MRPL44: variants seen among roughly 807,000 people sequenced by gnomAD.
The protein encoded by MRPL44 is large ribosomal subunit protein mL44.
A neutral mutation model predicts 25.9 loss-of-function variants in MRPL44; 21 were observed. The ratio of observed to expected loss-of-function variants is 0.81; its 90% CI spans 0.58 to 1.17. The LOEUF is 1.17. MRPL44 is among the 50% of genes most tolerant of loss of function. MRPL44 has a pLI of 0.00. For missense variants in MRPL44, 410 were observed against 398.9 expected (o/e 1.03, Z -0.24); for synonymous variants, 169 against 151.0 (o/e 1.12, Z -0.87).
rs774616345 is a variant in MRPL44 at position 223,957,527 on chromosome 2, C to G, written c.55C>G (p.Pro19Ala). Residue 19 changes from proline to alanine, a missense_variant, in exon 1 of 4, where the codon CCA (proline) becomes GCA (alanine). Pro to Ala is a conservative substitution (Grantham distance 27). Transcript: ENST00000258383. ...LQQGHRCLLAPVAPKLVPPVR... is the reference protein window; with the variant it reads ...LQQGHRCLLAAVAPKLVPPVR... ...GCAGGGACATCGCTGCCTCCTGGCT[C>G]CAGTCGCCCCCAAGCTGGTCCCTCC... The G allele has an allele frequency of 3.7e-6, 6 of 1,614,098 alleles. No individual in the cohort carries two copies. Among genetic ancestry groups the G allele is most frequent in the Middle Eastern group, 1.6e-4 (1 of 6,062 alleles).
Position 223,957,592 on chromosome 2 carries a change from C to T in MRPL44, c.120C>T (p.Arg40=). The change falls in exon 1 of 4, where the codon CGC becomes CGT. Residue 40 remains arginine, a synonymous_variant. Coordinates refer to ENST00000258383, the MANE Select transcript of MRPL44 (RefSeq NM_022915.5). ...GVKKGFRAAF[R]FQKELERQRL... is the part of the protein sequence containing the mutation. ...AGAAGGGATTCCGCGCCGCCTTCCG[C>T]TTCCAGAAGGAGTTAGAGCGGCAGC... 3 of 1,613,542 alleles carry T rather than the reference C, an allele frequency of 1.9e-6. No individual in the cohort carries two copies. Among genetic ancestry groups the T allele is most frequent in the Non-Finnish European group, 2.5e-6 (3 of 1,179,994 alleles).
chr2:223,962,724 A>T (rs1162535077), intron 2 of MRPL44, among the ~76,000 whole-genome samples: 1 of 152,106 alleles, frequency 6.6e-6, no homozygotes, highest in African/African-American at 2.4e-5. Context: ...TTTGAGACAG[A>T]GTCTTGCCGT....
upstream of MRPL44, chr2:223,957,256 G>C (rs770570737): frequency 1.6e-6 from 1 of 611,128 alleles, no homozygotes. Flanking sequence ...AACTCGAAGA[G>C]AGGAGAGAAC....
chr2:223,959,091 A>G (rs1411578444), intron 1 of MRPL44, among the ~76,000 whole-genome samples: 1 of 152,242 alleles, frequency 6.6e-6, no homozygotes, highest in African/African-American at 2.4e-5. Flanking sequence ...TTCAGTATCC[A>G]GGAGAGTCCT....
At chr2:223,951,514 C>G in the MRPL44 span, among the ~76,000 whole-genome samples, 82 of 64,942 alleles carry the variant, frequency 1.3e-3, no homozygotes, top group Non-Finnish European at 1.8e-3. Flanking sequence ...GAGTCTCGCT[C>G]TGTGGCCAGG....
At chr2:223,960,572 G>A (rs1689643579) in intron 2 of MRPL44, among the ~76,000 whole-genome samples, 1 of 152,198 alleles carries the variant, frequency 6.6e-6, no homozygotes. Context: ...ATAATAGAGA[G>A]TCCACACAAT....
chr2:223,951,934 G>A, the MRPL44 span, among the ~76,000 whole-genome samples: 1 of 152,192 alleles, frequency 6.6e-6, no homozygotes, highest in African/African-American at 2.4e-5. Flanking sequence ...ATTATTTATT[G>A]TAATAAGTTC....
At chr2:223,952,664 G>A (rs192329540), upstream of MRPL44, among the ~76,000 whole-genome samples, 23 of 152,256 alleles carry the variant, frequency 1.5e-4, no homozygotes, top group Admixed American at 3.3e-4. Flanking sequence ...AACCTAACTT[G>A]ATATGTAACC....
chr2:223,954,277 C>G (rs1270181291), upstream of MRPL44, among the ~76,000 whole-genome samples: 1 of 152,220 alleles, frequency 6.6e-6, no homozygotes, highest in Non-Finnish European at 1.5e-5. Flanking sequence ...GAGGCCATCC[C>G]CTAAGTCTCA....
Position 223,959,694 on chromosome 2 carries a change from G to A in MRPL44, c.340G>A (p.Ala114Thr). 6.2e-7 allele frequency: 1 copy of A among 1,614,266 alleles called. No individual in the cohort carries two copies. The highest frequency in any genetic ancestry group is 8.5e-7 in the Non-Finnish European group (1 of 1,180,054). ...CCAACAACTTGGGATAGAGAAAGAAGCTGTTCTTCTGAATCTTAAAAGTAA... is the reference window on the plus strand; with the variant it reads ...CCAACAACTTGGGATAGAGAAAGAAACTGTTCTTCTGAATCTTAAAAGTAA... ...KRQQLGIEKE[A>T]VLLNLKSNQE... is the part of the protein sequence containing the mutation. Residue 114 changes from alanine to threonine, a missense_variant, in exon 2 of 4, where the codon GCT becomes ACT. Ala to Thr is a moderately conservative substitution (Grantham distance 58). Coordinates refer to ENST00000258383, the MANE Select transcript of MRPL44 (RefSeq NM_022915.5).
chr2:223,951,106 A>C, the MRPL44 span, among the ~76,000 whole-genome samples: 1 of 152,206 alleles, frequency 6.6e-6, no homozygotes, highest in African/African-American at 2.4e-5. Context: ...CCTGAAGACA[A>C]AGGAAGAAGG....
chr2:223,966,752 TA>T, intron 3 of MRPL44, 110 bp from the exon 4 acceptor site: 1 of 912,490 alleles, frequency 1.1e-6, no homozygotes, highest in Non-Finnish European at 1.6e-6. Flanking sequence ...GTGTTACTTC[TA>T]ATGGGTATTA....
chr2:223,957,902 G>C (rs1000625979), intron 1 of MRPL44, among the ~76,000 whole-genome samples: 2 of 152,140 alleles, frequency 1.3e-5, no homozygotes, highest in Non-Finnish European at 2.9e-5. Flanking sequence ...AAAATTGGGA[G>C]AAATGGGGCT....
At chr2:223,956,152 A>G (rs1689560553), upstream of MRPL44, among the ~76,000 whole-genome samples, 1 of 152,202 alleles carries the variant, frequency 6.6e-6, no homozygotes, top group African/African-American at 2.4e-5. Flanking sequence ...TGAATTTTCA[A>G]TACTTTACAT....
upstream of MRPL44, among the ~76,000 whole-genome samples, chr2:223,954,209 C>A (rs1689531773): frequency 6.6e-6 from 1 of 152,210 alleles, no homozygotes; most frequent in African/African-American, 2.4e-5. Flanking sequence ...TGTTGATCCT[C>A]CTTTCCATCT....
In MRPL44 at chr2:223,959,674, A is replaced by G; in HGVS notation, c.320A>G (p.Gln107Arg). Reference protein sequence around the residue: ...YIKSEEAKRQQLGIEKEAVLL... With the variant: ...YIKSEEAKRQRLGIEKEAVLL... ...AAAAGTGAGGAGGCCAAACGCCAAC[A>G]ACTTGGGATAGAGAAAGAAGCTGTT... The change falls in exon 2 of 4, where the codon CAA becomes CGA. Residue 107 changes from glutamine to arginine, a missense_variant. By Grantham distance (43) the Gln-to-Arg change is conservative. Coordinates refer to ENST00000258383, the MANE Select transcript of MRPL44 (RefSeq NM_022915.5). The G allele has an allele frequency of 5.0e-6, 8 of 1,614,276 alleles. No individual in the cohort carries two copies. The highest frequency in any genetic ancestry group is 6.8e-6 in the Non-Finnish European group (8 of 1,180,050).
chr2:223,951,478 G>GGTTTTTTTTGTTTTGTTT, the MRPL44 span, among the ~76,000 whole-genome samples: 1 of 112,560 alleles, frequency 8.9e-6, no homozygotes. Flanking sequence ...TTACCTTGGA[G>GGTTTTTTTTGTTTTGTTT]TTTTTTTTTT....
chr2:223,963,952 C>T lies in MRPL44; in HGVS notation c.827+18C>T, dbSNP rs58911111. 5,081 of 1,601,214 alleles carry T rather than the reference C, an allele frequency of 3.2e-3. 77 individuals are homozygous for T. In the African/African-American group the frequency reaches 0.041, roughly 13 times the overall value. On this transcript the variant is annotated intron_variant, in intron 3 of 3. Coordinates refer to ENST00000258383, the MANE Select transcript of MRPL44 (RefSeq NM_022915.5). Reference sequence around the variant, plus strand: ...TTATACTGGTTAGTGAAATTTTAATCTTAACTTTATAACTTTGAGGAAATC... The same window carrying T: ...TTATACTGGTTAGTGAAATTTTAATTTTAACTTTATAACTTTGAGGAAATC...
At chr2:223,953,466 A>G (rs548515794), upstream of MRPL44, among the ~76,000 whole-genome samples, 3 of 152,208 alleles carry the variant, frequency 2.0e-5, no homozygotes, top group Non-Finnish European at 4.4e-5. Flanking sequence ...AATGGCTATA[A>G]TCTGGTTAAC....
Sources: gnomAD v4.1 joint callset for allele counts (sites outside exome capture counted in the v4.1 genomes callset) on GRCh38, gnomAD v4.1.1 for gene constraint, MANE v1.5 for transcripts, NCBI Gene and HGNC (gene_info 2026-07-23, HGNC 2026-07-21) for gene names.